Variants in SEPTIN10 observed in about 807,000 individuals in gnomAD.
The protein encoded by SEPTIN10 is septin-10.
Under a neutral mutation model 54.8 loss-of-function variants are expected in SEPTIN10, and 66 were observed. That is an observed-to-expected ratio of 1.21 (90% CI 0.99 to 1.48). The LOEUF (loss-of-function observed/expected upper bound fraction) is 1.48, where lower values mean the gene tolerates loss of function less well. Ranked by LOEUF, SEPTIN10 falls within the 40% of genes most tolerant of loss-of-function variation. The pLI is 0.00. For synonymous variants in SEPTIN10, 161 were observed against 181.0 expected (o/e 0.89, Z 0.89); for missense variants, 620 against 545.6 (o/e 1.14, Z -1.36).
At chr2:109,554,315 C>G (rs528297902) in intron 8 of SEPTIN10, among the ~76,000 whole-genome samples, 1 of 152,070 alleles carries the variant, frequency 6.6e-6, no homozygotes, top group Non-Finnish European at 1.5e-5. Flanking sequence ...ACTTTCACAC[C>G]GCATTGCTTA....
intron 2 of SEPTIN10, among the ~76,000 whole-genome samples, chr2:109,590,789 G>C (rs542311081): frequency 2.0e-5 from 3 of 152,102 alleles, no homozygotes; most frequent in Non-Finnish European, 4.4e-5. Flanking sequence ...AGCATGAAGA[G>C]AACTCCACCT....
Position 109,565,837 on chromosome 2 carries a change from A to C in SEPTIN10, c.785T>G (p.Val262Gly), listed in dbSNP as rs536588521. 1.2e-6 allele frequency: 2 copies of C among 1,614,072 alleles called. No homozygotes were observed. The highest frequency in any genetic ancestry group is 1.7e-5 in the Admixed American group (1 of 60,016). ...AMNGQLPFAV[V>G]GSMDEVKVGN... Reference sequence around the variant, plus strand: ...GACTTTTACCTCATCCATACTTCCCACAACAGCAAACGGCAACTGTCCCTG... The same window carrying C: ...GACTTTTACCTCATCCATACTTCCCCCAACAGCAAACGGCAACTGTCCCTG... The change falls in exon 7 of 11, where the codon GTG (valine) becomes GGG (glycine). Residue 262 changes from valine to glycine, a missense_variant. Transcript: ENST00000397712.
chr2:109,581,448 CAAAA>C (rs1025789214), intron 4 of SEPTIN10, among the ~76,000 whole-genome samples: 1 of 144,272 alleles, frequency 6.9e-6, no homozygotes, highest in African/African-American at 2.6e-5. Flanking sequence ...AAAAAAAAAA[CAAAA>C]AAAATCAGTA....
chr2:109,575,229 A>G lies in SEPTIN10; in HGVS notation c.414-462T>C, dbSNP rs182083306. 7.9e-5 allele frequency among the ~76,000 whole-genome samples: 12 copies of G among 152,350 alleles called. No homozygotes were observed. The East Asian group carries it at 2.1e-3, about 27-fold the overall frequency. On this transcript the variant is annotated intron_variant, in intron 4 of 10. Transcript: ENST00000397712. ...TGCCAGACTGCTCGAAGGGGCTGGC[A>G]GCAGTCTAATTTGTAATTACTGGTA... is the stretch of plus-strand genomic sequence containing the variant.
intron 9 of SEPTIN10, among the ~76,000 whole-genome samples, chr2:109,551,972 CATGGCCT>C (rs1683065307): frequency 6.6e-6 from 1 of 152,158 alleles, no homozygotes; most frequent in Non-Finnish European, 1.5e-5. Flanking sequence ...AGTACTGGTC[CATGGCCT>C]GTTAGGAACT....
rs375196755 is a variant in SEPTIN10, at chr2:109,554,829, C to G, written c.1029-1610G>C. Among the ~76,000 whole-genome samples, 130 of 152,194 alleles carry G rather than the reference C, an allele frequency of 8.5e-4. 1 individual carries two copies. In the South Asian group the frequency reaches 0.026, roughly 31 times the overall value. On this transcript the variant is annotated intron_variant, in intron 8 of 10. Coordinates refer to ENST00000397712, the MANE Select transcript of SEPTIN10 (RefSeq NM_144710.5). Reference sequence around the variant, plus strand: ...ATTTCCTATAGCATGAAATATGAAGCCACCCGTGTTAGTGCTGATATGGAG... The same window carrying G: ...ATTTCCTATAGCATGAAATATGAAGGCACCCGTGTTAGTGCTGATATGGAG...
intron 9 of SEPTIN10, among the ~76,000 whole-genome samples, chr2:109,548,708 C>T (rs938753690): frequency 9.7e-5 from 13 of 133,368 alleles, no homozygotes; most frequent in Non-Finnish European, 1.6e-4. Flanking sequence ...GCCGGGAGGC[C>T]GAGGTTGCAG....
chr2:109,559,223 C>CATCAGT (rs1365357725), intron 8 of SEPTIN10, among the ~76,000 whole-genome samples: 3 of 152,140 alleles, frequency 2.0e-5, no homozygotes, highest in Non-Finnish European at 4.4e-5. Flanking sequence ...ATAAAAGCTT[C>CATCAGT]CTAATACATC....
chr2:109,589,090 G>A (rs969468041), intron 2 of SEPTIN10, among the ~76,000 whole-genome samples: 1 of 152,154 alleles, frequency 6.6e-6, no homozygotes, highest in Admixed American at 6.5e-5. Context: ...CCACGCCTGG[G>A]TAATTTTTGT....
At chr2:109,583,382 A>G (rs1056328493) in intron 4 of SEPTIN10, among the ~76,000 whole-genome samples, 1 of 152,218 alleles carries the variant, frequency 6.6e-6, no homozygotes, top group African/African-American at 2.4e-5. Context: ...AACAAACATG[A>G]CAAAACGCTC....
intron 9 of SEPTIN10, among the ~76,000 whole-genome samples, chr2:109,548,775 CAAAAAAAAAAAAA>C (rs57096452): frequency 3.1e-4 from 20 of 63,594 alleles, no homozygotes; most frequent in South Asian, 1.6e-3. Flanking sequence ...GGCTCCATCT[CAAAAAAAAAAAAA>C]AAAAAAAAAA....
At chr2:109,585,676 A>C in intron 3 of SEPTIN10, 45 bp downstream of exon 3, 1 of 1,274,480 alleles carries the variant, frequency 7.8e-7, no homozygotes, top group African/African-American at 1.5e-5. Flanking sequence ...AGTGAGCACA[A>C]GGAATATGAA....
intron 9 of SEPTIN10, among the ~76,000 whole-genome samples, chr2:109,551,954 C>T (rs1026151178): frequency 2.0e-5 from 3 of 152,190 alleles, no homozygotes; most frequent in African/African-American, 4.8e-5. Flanking sequence ...ATCCCCAGGC[C>T]GCGGACCAGT....
intron 8 of SEPTIN10, among the ~76,000 whole-genome samples, chr2:109,563,317 C>T (rs1049462146): frequency 5.9e-5 from 9 of 152,198 alleles, no homozygotes; most frequent in African/African-American, 2.2e-4. Context: ...AAGATTAAGT[C>T]TTCCAAAAGC....
intron 5 of SEPTIN10, among the ~76,000 whole-genome samples, chr2:109,570,603 C>T (rs1382322788): frequency 6.6e-6 from 1 of 151,562 alleles, no homozygotes; most frequent in East Asian, 1.9e-4. Context: ...TGGCTCACTG[C>T]AACCTCCGCC....
intron 1 of SEPTIN10, among the ~76,000 whole-genome samples, chr2:109,603,195 T>A (rs1697044322): frequency 6.6e-6 from 1 of 152,086 alleles, no homozygotes; most frequent in African/African-American, 2.4e-5. Flanking sequence ...GTTTTTCACT[T>A]ACTCCACAAA....
Position 109,593,110 on chromosome 2 carries a change from A to G in SEPTIN10, c.40T>C (p.Ser14Pro), listed in dbSNP as rs1225447949. Residue 14 changes from serine (S) to proline (P), a missense_variant, in exon 2 of 11, where the codon TCT becomes CCT. Ser to Pro is a moderately conservative substitution (Grantham distance 74). Coordinates refer to ENST00000397712, the MANE Select transcript of SEPTIN10 (RefSeq NM_144710.5). ...CAAGTTGTTTTCGTTGCCATGTGAG[A>G]CTGAAAGAGCTAAAAAAGGAATACA... ...SEVARHLLFQSHMATKTTCMS... is the reference protein window; with the variant it reads ...SEVARHLLFQPHMATKTTCMS... 2 of 1,597,646 alleles carry G rather than the reference A, an allele frequency of 1.3e-6. No individual in the cohort carries two copies. The highest frequency in any genetic ancestry group is 1.7e-6 in the Non-Finnish European group (2 of 1,172,802).
At chr2:109,577,585 C>T (rs1405877679) in intron 4 of SEPTIN10, among the ~76,000 whole-genome samples, 1 of 146,888 alleles carries the variant, frequency 6.8e-6, no homozygotes, top group Non-Finnish European at 1.5e-5. Context: ...GAGTGAGACT[C>T]CACCTCAAAA....
intron 8 of SEPTIN10, among the ~76,000 whole-genome samples, chr2:109,555,638 T>C (rs1282264063): frequency 6.6e-6 from 1 of 152,214 alleles, no homozygotes; most frequent in Non-Finnish European, 1.5e-5. Flanking sequence ...CAGGCACAAG[T>C]GTTTCTTGTG....
Sources: gnomAD v4.1 joint callset for allele counts (sites outside exome capture counted in the v4.1 genomes callset) on GRCh38, gnomAD v4.1.1 for gene constraint, MANE v1.5 for transcripts, NCBI Gene and HGNC (gene_info 2026-07-23, HGNC 2026-07-21) for gene names.